ATXN1: variants seen among roughly 807,000 people sequenced by gnomAD.
ATXN1 encodes ataxin 1.
A neutral mutation model predicts 56.4 loss-of-function variants in ATXN1; 8 were observed. The observed-to-expected ratio is 0.14, with a 90% CI of 0.08 to 0.26. ATXN1 has a LOEUF of 0.26. ATXN1 is among the 10% of genes least tolerant of loss of function. ATXN1 has a pLI of 1.00. For synonymous variants in ATXN1, 514 were observed against 494.6 expected (o/e 1.04, Z -0.52); for missense variants, 987 against 1,106.5 (o/e 0.89, Z 1.53).
intron 2 of ATXN1, among the ~76,000 whole-genome samples, chr6:16,728,609 T>C (rs1343549500): frequency 6.6e-6 from 1 of 152,172 alleles, no homozygotes; most frequent in Non-Finnish European, 1.5e-5. Context: ...AGGAGAATGG[T>C]AATATCATCA....
intron 6 of ATXN1, among the ~76,000 whole-genome samples, chr6:16,402,288 G>C (rs1272776336): frequency 1.3e-5 from 1 of 75,470 alleles, no homozygotes; most frequent in African/African-American, 5.2e-5. Flanking sequence ...TTTGCTTCTA[G>C]TTCTAATGCT....
At chr6:16,708,871 C>G (rs1759465063) in intron 2 of ATXN1, among the ~76,000 whole-genome samples, 1 of 151,840 alleles carries the variant, frequency 6.6e-6, no homozygotes, top group South Asian at 2.1e-4. Flanking sequence ...ACTAAAAATA[C>G]AAAAATTAGC....
chr6:16,422,047 G>GT (rs34554293), intron 6 of ATXN1, among the ~76,000 whole-genome samples: 22,136 of 148,138 alleles, frequency 0.15, 1,793 homozygotes, highest in East Asian at 0.33. Context: ...GTATATAAGG[G>GT]TTTTTTTTTT....
At chr6:16,731,520 C>G (rs953411992) in intron 2 of ATXN1, among the ~76,000 whole-genome samples, 2 of 115,396 alleles carry the variant, frequency 1.7e-5, no homozygotes, top group Non-Finnish European at 3.4e-5. Flanking sequence ...CTTTCAGGAG[C>G]TTGAAAAATA....
At chr6:16,380,807 AACTACC>A (rs1288862280) in intron 6 of ATXN1, among the ~76,000 whole-genome samples, 1 of 152,152 alleles carries the variant, frequency 6.6e-6, no homozygotes, top group Non-Finnish European at 1.5e-5. Flanking sequence ...ACCCCCAAAA[AACTACC>A]ACTGGCAGGC....
At position 16,327,277 on chromosome 6, in the gene ATXN1, C is replaced by A; in HGVS notation, c.1034G>T (p.Gly345Val). 2 of 1,613,306 alleles carry A rather than the reference C, an allele frequency of 1.2e-6. No homozygotes were observed. Among genetic ancestry groups the A allele is most frequent in the Non-Finnish European group, 1.7e-6 (2 of 1,179,832 alleles). ...AGGAACCGACTTGCCGCCTGCCTTG[C>A]CCAGGCCCAGGTCGGCTGAGGACGG... ...GAPSSADLGL[G>V]KAGGKSVPHP... Residue 345 changes from glycine (G) to valine (V), a missense_variant, in exon 7 of 8, where the codon GGC becomes GTC. By Grantham distance (109) the Gly-to-Val change is moderately radical (BLOSUM62 -3). Transcript: ENST00000436367.
chr6:16,500,448 A>G (rs559015689), intron 5 of ATXN1, among the ~76,000 whole-genome samples: 1 of 152,250 alleles, frequency 6.6e-6, no homozygotes, highest in East Asian at 1.9e-4. Flanking sequence ...TCAATGTGGC[A>G]CCCATCTTGT....
intron 7 of ATXN1, among the ~76,000 whole-genome samples, chr6:16,324,185 T>G (rs905728018): frequency 6.6e-6 from 1 of 152,142 alleles, no homozygotes; most frequent in African/African-American, 2.4e-5. Flanking sequence ...CTCGTGTCTG[T>G]AATCTCAGGG....
chr6:16,480,659 G>A (rs865775667), intron 6 of ATXN1, among the ~76,000 whole-genome samples: 1 of 152,166 alleles, frequency 6.6e-6, no homozygotes, highest in South Asian at 2.1e-4. Flanking sequence ...ACTTAAAGAG[G>A]ACACAAAAGC....
chr6:16,491,431 C>T (rs1760662434), intron 5 of ATXN1, among the ~76,000 whole-genome samples: 1 of 151,756 alleles, frequency 6.6e-6, no homozygotes, highest in Non-Finnish European at 1.5e-5. Context: ...ACTGCAGGCA[C>T]CAGCCACTAC....
At chr6:16,568,399 C>T (rs1762267710) in intron 4 of ATXN1, among the ~76,000 whole-genome samples, 1 of 152,160 alleles carries the variant, frequency 6.6e-6, no homozygotes. Flanking sequence ...GGTTACATGC[C>T]CGGTACAGGC....
intron 6 of ATXN1, among the ~76,000 whole-genome samples, chr6:16,368,616 T>C (rs183039435): frequency 6.6e-6 from 1 of 152,208 alleles, no homozygotes; most frequent in East Asian, 1.9e-4. Flanking sequence ...ATTTCACATG[T>C]CTGTGAATTT....
intron 7 of ATXN1, among the ~76,000 whole-genome samples, chr6:16,313,231 T>C (rs1447683127): frequency 6.6e-6 from 1 of 152,166 alleles, no homozygotes; most frequent in Admixed American, 6.6e-5. Flanking sequence ...TTTCTCTGGC[T>C]TTCCCAATAA....
intron 4 of ATXN1, among the ~76,000 whole-genome samples, chr6:16,580,821 T>C (rs1485554838): frequency 6.6e-6 from 1 of 152,120 alleles, no homozygotes; most frequent in Non-Finnish European, 1.5e-5. Context: ...CCTAAAAAAA[T>C]CATTAAATGT....
chr6:16,539,607 C>T (rs1429259529), intron 4 of ATXN1, among the ~76,000 whole-genome samples: 2 of 152,094 alleles, frequency 1.3e-5, no homozygotes, highest in Admixed American at 1.3e-4. Context: ...CATTTGCTTG[C>T]CATCATTTCT....
At chr6:16,524,341 T>C (rs145041955) in intron 4 of ATXN1, among the ~76,000 whole-genome samples, 13 of 152,332 alleles carry the variant, frequency 8.5e-5, no homozygotes, top group East Asian at 5.8e-4. Context: ...CATGCAAACA[T>C]TGAAAAATGG....
chr6:16,650,184 G>T (rs77959611), intron 3 of ATXN1, among the ~76,000 whole-genome samples: 5,377 of 152,194 alleles, frequency 0.035, 225 homozygotes, highest in African/African-American at 0.098. Flanking sequence ...AACAGGGACA[G>T]GTGCATGGTT....
chr6:16,452,287 G>C (rs999171909), intron 6 of ATXN1, among the ~76,000 whole-genome samples: 1 of 152,188 alleles, frequency 6.6e-6, no homozygotes, highest in African/African-American at 2.4e-5. Context: ...TTTAGGGAAT[G>C]AATACATGCA....
intron 6 of ATXN1, among the ~76,000 whole-genome samples, chr6:16,347,328 T>G (rs12194917): frequency 6.6e-6 from 1 of 152,248 alleles, no homozygotes; most frequent in Admixed American, 6.5e-5. Context: ...AGAACCTTTA[T>G]GTCTAGCTAA....
Sources: gnomAD v4.1 joint callset for allele counts (sites outside exome capture counted in the v4.1 genomes callset) on GRCh38, gnomAD v4.1.1 for gene constraint, MANE v1.5 for transcripts, NCBI Gene and HGNC (gene_info 2026-07-23, HGNC 2026-07-21) for gene names.